ARHGEF10: variants seen among roughly 807,000 people sequenced by gnomAD.
The protein encoded by ARHGEF10 is Rho guanine nucleotide exchange factor (GEF) 10.
Under a neutral mutation model 147.4 loss-of-function variants are expected in ARHGEF10, and 140 were observed. The ratio of observed to expected loss-of-function variants is 0.95; its 90% confidence interval spans 0.83 to 1.09. The LOEUF is 1.09. Ranked by LOEUF, ARHGEF10 falls within the 50% of genes least tolerant of loss-of-function variation. ARHGEF10 has a pLI of 0.00. For synonymous variants in ARHGEF10, 902 were observed against 695.8 expected (o/e 1.30, Z -4.67); for missense variants, 2,222 against 1,752.7 (o/e 1.27, Z -4.78).
rs186418700 is a variant in ARHGEF10, at chr8:1,860,505, T to A, written c.481+321T>A. On this transcript the variant is annotated intron_variant, in intron 4 of 28. Transcript: ENST00000349830. ...TGATGTGGCCTGTGGTTCCGTAGAG[T>A]CCGGGCCTGACCTTCCCCCTGCCCC... 3.1e-3 allele frequency among the ~76,000 whole-genome samples: 463 copies of A among 151,664 alleles called. 4 individuals are homozygous for A. The highest frequency in any genetic ancestry group is 0.013 in the South Asian group (62 of 4,794).
chr8:1,877,190 C>G (rs1437886791), intron 8 of ARHGEF10, among the ~76,000 whole-genome samples: 1 of 152,194 alleles, frequency 6.6e-6, no homozygotes, highest in African/African-American at 2.4e-5. Context: ...TGTTAAGGGA[C>G]AAAAGCTTCT....
At chr8:1,892,164 G>C (rs1212615658) in intron 11 of ARHGEF10, among the ~76,000 whole-genome samples, 1 of 151,868 alleles carries the variant, frequency 6.6e-6, no homozygotes, top group South Asian at 2.1e-4. Flanking sequence ...GATGATGGGA[G>C]GGGTTGCTTG....
At chr8:1,862,262 C>A (rs147955484) in intron 4 of ARHGEF10, among the ~76,000 whole-genome samples, 1 of 152,244 alleles carries the variant, frequency 6.6e-6, no homozygotes, top group Non-Finnish European at 1.5e-5. Context: ...AGGGCTTCCC[C>A]GGGACGTACA....
chr8:1,844,465 T>TCCCTG (rs1329433075), intron 2 of ARHGEF10, among the ~76,000 whole-genome samples: 71 of 151,352 alleles, frequency 4.7e-4, no homozygotes, highest in East Asian at 7.8e-4. Context: ...AATCCAGGGG[T>TCCCTG]GAGCAGTGGC....
At chr8:1,824,580 AC>A (rs1802622524) in intron 1 of ARHGEF10, among the ~76,000 whole-genome samples, 1 of 12,760 alleles carries the variant, frequency 7.8e-5, no homozygotes, top group Non-Finnish European at 1.6e-4. Flanking sequence ...AGTTCCCCGC[AC>A]CCCGTGTACC....
intron 28 of ARHGEF10, among the ~76,000 whole-genome samples, chr8:1,956,186 G>A (rs953322138): frequency 2.0e-5 from 3 of 152,188 alleles, no homozygotes; most frequent in East Asian, 1.9e-4. Flanking sequence ...AGACCTGCAG[G>A]TGTTTCTGAT....
Position 1,869,207 on chromosome 8 carries a change from A to G in ARHGEF10, c.636A>G (p.Ala212=), listed in dbSNP as rs1806878463. 2 of 1,614,012 alleles carry G rather than the reference A, an allele frequency of 1.2e-6. No homozygotes were observed. The highest frequency in any genetic ancestry group is 4.5e-5 in the East Asian group (2 of 44,880). The change falls in exon 7 of 29, where the codon GCA becomes GCG. Residue 212 remains alanine, a synonymous_variant. Transcript: ENST00000349830. ...CGTTTATTGCAGATCCAGAGGAAGC[A>G]ATTTACGATGACGTTCCAAGGGAAA... The part of the protein sequence containing the change: ...NTAWMENPEE[A]IYDDVPRENS...
chr8:1,935,601 G>A (rs2129241782), intron 26 of ARHGEF10, among the ~76,000 whole-genome samples: 1 of 152,290 alleles, frequency 6.6e-6, no homozygotes, highest in Non-Finnish European at 1.5e-5. Flanking sequence ...CCTCCGGAGG[G>A]CACTCACCTG....
chr8:1,863,345 G>C (rs1452453715), intron 4 of ARHGEF10, among the ~76,000 whole-genome samples: 1 of 152,228 alleles, frequency 6.6e-6, no homozygotes, highest in African/African-American at 2.4e-5. Flanking sequence ...CCAGGGACCT[G>C]TTTTCAGGGA....
intron 2 of ARHGEF10, among the ~76,000 whole-genome samples, chr8:1,853,478 T>A (rs1049146039): frequency 2.0e-5 from 3 of 152,244 alleles, no homozygotes; most frequent in Non-Finnish European, 2.9e-5. Context: ...CTTGAGCATC[T>A]TTTCTAGTTT....
chr8:1,951,280 G>T lies in ARHGEF10; in HGVS notation c.3398-1425G>T, dbSNP rs58854534. On this transcript the variant is annotated intron_variant, in intron 27 of 28. Coordinates refer to ENST00000349830, the MANE Select transcript of ARHGEF10 (RefSeq NM_014629.4). ...AGCAGCTGGGAATCGCGTACCCTGC[G>T]TATCAGCTTTGAAGCTGCTGCCGTG... 2.0e-5 allele frequency among the ~76,000 whole-genome samples: 3 copies of T among 152,366 alleles called. No individual in the cohort carries two copies. The South Asian group carries it at 6.2e-4, about 32-fold the overall frequency.
intron 9 of ARHGEF10, among the ~76,000 whole-genome samples, chr8:1,882,142 C>G (rs546697463): frequency 2.0e-5 from 3 of 152,290 alleles, no homozygotes; most frequent in East Asian, 1.9e-4. Context: ...TTGCCAGGGT[C>G]TTGCATTCAG....
chr8:1,885,093 T>C (rs1416106530), intron 10 of ARHGEF10, among the ~76,000 whole-genome samples: 1 of 152,182 alleles, frequency 6.6e-6, no homozygotes, highest in Non-Finnish European at 1.5e-5. Flanking sequence ...TAAACTGTTT[T>C]GAGTTTTGGA....
intron 22 of ARHGEF10, among the ~76,000 whole-genome samples, chr8:1,925,705 G>T (rs1391297879): frequency 6.6e-6 from 1 of 152,194 alleles, no homozygotes; most frequent in Non-Finnish European, 1.5e-5. Context: ...CACATTTGTA[G>T]CTCTGTTTTG....
At chr8:1,897,945 C>T (rs1810142117) in intron 14 of ARHGEF10, among the ~76,000 whole-genome samples, 1 of 152,182 alleles carries the variant, frequency 6.6e-6, no homozygotes, top group Non-Finnish European at 1.5e-5. Flanking sequence ...GCCCTCTCCA[C>T]TGCACAGCCC....
chr8:1,867,392 T>A (rs1422603024), intron 6 of ARHGEF10, among the ~76,000 whole-genome samples: 1 of 152,214 alleles, frequency 6.6e-6, no homozygotes, highest in African/African-American at 2.4e-5. Context: ...ACAGGAAACA[T>A]CCAAAAGTGC....
chr8:1,863,979 C>T (rs1806367728), intron 4 of ARHGEF10, among the ~76,000 whole-genome samples: 2 of 152,058 alleles, frequency 1.3e-5, no homozygotes, highest in African/African-American at 2.4e-5. Flanking sequence ...AGCCGTGGCT[C>T]CTGTGGACAC....
rs1563150293 is a variant in ARHGEF10, at chr8:1,833,350, GC to G, written c.-48+9238del. The stretch of plus-strand genomic sequence containing the variant: ...GACAGAGACAGAGGCAGAGACAGAG[GC>G]AGAGAGAGACAGAGGCAGAGACAGA... On this transcript the variant is annotated intron_variant, in intron 1 of 28. Coordinates refer to ENST00000349830, the MANE Select transcript of ARHGEF10 (RefSeq NM_014629.4). Among the ~76,000 whole-genome samples, 184 of 104,132 alleles carry G rather than the reference GC, an allele frequency of 1.8e-3. 2 individuals are homozygous for G. Among genetic ancestry groups the G allele is most frequent in the African/African-American group, 5.1e-3 (129 of 25,452 alleles). The allele number at this position is 104,132 out of a possible 152,430, so 68.3% of individuals were successfully genotyped here.
At chr8:1,939,023 C>G (rs2129253393) in intron 26 of ARHGEF10, among the ~76,000 whole-genome samples, 1 of 152,022 alleles carries the variant, frequency 6.6e-6, no homozygotes, top group Non-Finnish European at 1.5e-5. Flanking sequence ...CCCAGAAACC[C>G]TGAACACTCT....
Sources: allele counts gnomAD v4.1 joint callset (sites outside exome capture counted in the v4.1 genomes callset), GRCh38; gene constraint gnomAD v4.1.1; transcripts MANE v1.5; gene names NCBI Gene and HGNC (gene_info 2026-07-23, HGNC 2026-07-21).